SPOCK3: variants seen among roughly 807,000 people sequenced by gnomAD.
SPOCK3 encodes the protein testican-3.
SPOCK3 carries 30 observed loss-of-function variants against 56.6 expected under a neutral mutation model. The ratio of observed to expected loss-of-function variants is 0.53; its 90% confidence interval spans 0.40 to 0.72. The LOEUF (loss-of-function observed/expected upper bound fraction) is 0.72, where lower values mean the gene tolerates loss of function less well. Among genes scored for constraint, SPOCK3 ranks in the 30% least tolerant of loss-of-function variants. SPOCK3 has a pLI of 0.00. For synonymous variants in SPOCK3, 196 were observed against 183.3 expected, an observed-to-expected ratio of 1.07 and a Z score of -0.56; for missense variants, 527 against 530.0, an observed-to-expected ratio of 0.99 and a Z score of 0.06.
intron 4 of SPOCK3, among the ~76,000 whole-genome samples, chr4:166,923,734 G>T (rs764833972): frequency 1.3e-5 from 2 of 152,234 alleles, no homozygotes; most frequent in African/African-American, 2.4e-5. Context: ...ACCAACTGTA[G>T]GTTCCCAAAC....
At chr4:167,221,136 G>C (rs114313851) in intron 2 of SPOCK3, among the ~76,000 whole-genome samples, 4,746 of 152,002 alleles carry the variant, frequency 0.031, 115 homozygotes, top group Middle Eastern at 0.075. Context: ...GAGGCGGGAG[G>C]ATGGCTTGAG....
chr4:166,924,859 C>T (rs1419229395), intron 4 of SPOCK3, among the ~76,000 whole-genome samples: 1 of 152,180 alleles, frequency 6.6e-6, no homozygotes, highest in Non-Finnish European at 1.5e-5. Flanking sequence ...TTGTTAGAGA[C>T]TTTTGATAAA....
intron 8 of SPOCK3, among the ~76,000 whole-genome samples, chr4:166,743,802 C>T (rs2168400): frequency 0.79 from 120,202 of 152,132 alleles, 47,740 homozygotes; most frequent in South Asian, 0.82. Flanking sequence ...CACCAGGAGA[C>T]TATATCCTGC....
chr4:166,870,472 TA>T (rs1330593426), intron 6 of SPOCK3, among the ~76,000 whole-genome samples: 2 of 151,608 alleles, frequency 1.3e-5, no homozygotes, highest in East Asian at 1.9e-4. Flanking sequence ...AAACACACAA[TA>T]AAAATGTAAT....
chr4:166,795,136 A>T (rs956359611), intron 6 of SPOCK3, among the ~76,000 whole-genome samples: 2 of 152,154 alleles, frequency 1.3e-5, no homozygotes, highest in Non-Finnish European at 2.9e-5. Flanking sequence ...CAACTCAAAC[A>T]CTGGAGTATC....
chr4:166,980,225 C>A (rs1163617001), intron 4 of SPOCK3, among the ~76,000 whole-genome samples: 2 of 152,188 alleles, frequency 1.3e-5, no homozygotes, highest in Admixed American at 1.3e-4. Flanking sequence ...TGCAGGACAG[C>A]AATATGTACA....
At chr4:167,111,422 G>A (rs1760891330) in intron 2 of SPOCK3, among the ~76,000 whole-genome samples, 1 of 151,862 alleles carries the variant, frequency 6.6e-6, no homozygotes, top group Admixed American at 6.6e-5. Context: ...CTGACAGGAT[G>A]ATCACAATTA....
chr4:167,121,740 C>A (rs1217095538), intron 2 of SPOCK3, among the ~76,000 whole-genome samples: 5 of 152,160 alleles, frequency 3.3e-5, no homozygotes, highest in Non-Finnish European at 7.3e-5. Flanking sequence ...AACCACATAG[C>A]AGTGATAGCC....
At chr4:166,852,896 G>GAAA (rs1730276319) in intron 6 of SPOCK3, among the ~76,000 whole-genome samples, 2 of 152,086 alleles carry the variant, frequency 1.3e-5, no homozygotes, top group African/African-American at 2.4e-5. Flanking sequence ...TTTATTGCTG[G>GAAA]TATTAAAATA....
chr4:166,949,182 T>A (rs1346296598), intron 4 of SPOCK3, among the ~76,000 whole-genome samples: 1 of 152,234 alleles, frequency 6.6e-6, no homozygotes, highest in Non-Finnish European at 1.5e-5. Flanking sequence ...GAGCCTTGGC[T>A]TTCAGCTCCA....
chr4:167,194,788 T>C (rs984587887), intron 2 of SPOCK3, among the ~76,000 whole-genome samples: 1 of 152,136 alleles, frequency 6.6e-6, no homozygotes, highest in African/African-American at 2.4e-5. Flanking sequence ...CCTTGGCCAG[T>C]AGGGCTAGTG....
At chr4:166,843,234 C>G (rs1747672822) in intron 6 of SPOCK3, among the ~76,000 whole-genome samples, 2 of 152,200 alleles carry the variant, frequency 1.3e-5, no homozygotes, top group Admixed American at 6.5e-5. Flanking sequence ...AGGGTGGCTC[C>G]CACAGGGCAG....
intron 2 of SPOCK3, among the ~76,000 whole-genome samples, chr4:167,207,942 C>T (rs1056772428): frequency 1.4e-4 from 21 of 152,126 alleles, no homozygotes; most frequent in African/African-American, 4.1e-4. Context: ...CTTTTCATTA[C>T]ATGACAACGC....
At chr4:166,820,721 G>C (rs1476914785) in intron 6 of SPOCK3, among the ~76,000 whole-genome samples, 2 of 151,966 alleles carry the variant, frequency 1.3e-5, no homozygotes, top group East Asian at 1.9e-4. Context: ...GTACTTGGGA[G>C]GCTGAGATGG....
At chr4:167,112,441 C>A (rs1760981638) in intron 2 of SPOCK3, among the ~76,000 whole-genome samples, 1 of 152,222 alleles carries the variant, frequency 6.6e-6, no homozygotes, top group African/African-American at 2.4e-5. Context: ...GGTCTGCCTA[C>A]CTACTTCATT....
At chr4:166,878,068 G>A (rs1266338548) in intron 6 of SPOCK3, among the ~76,000 whole-genome samples, 2 of 152,122 alleles carry the variant, frequency 1.3e-5, no homozygotes, top group African/African-American at 4.8e-5. Flanking sequence ...CCTGAGGTCA[G>A]GAGTCGAGAC....
intron 6 of SPOCK3, among the ~76,000 whole-genome samples, chr4:166,838,736 G>A (rs1746902889): frequency 7.1e-6 from 1 of 140,892 alleles, no homozygotes; most frequent in East Asian, 2.0e-4. Flanking sequence ...GGATCACAAA[G>A]TCAGGAGATC....
intron 2 of SPOCK3, among the ~76,000 whole-genome samples, chr4:167,113,749 C>T (rs527296873): frequency 7.2e-5 from 11 of 152,098 alleles, no homozygotes; most frequent in South Asian, 6.2e-4. Context: ...CAAGAGGAAG[C>T]GGCATCTGTG....
chr4:167,116,655 T>C (rs940858037), intron 2 of SPOCK3, among the ~76,000 whole-genome samples: 2 of 65,246 alleles, frequency 3.1e-5, no homozygotes, highest in Admixed American at 2.1e-4. Flanking sequence ...TATATACACA[T>C]ATATACGTAT....
Sources: gnomAD v4.1 joint callset for allele counts (sites outside exome capture counted in the v4.1 genomes callset) on GRCh38, gnomAD v4.1.1 for gene constraint, MANE v1.5 for transcripts, NCBI Gene and HGNC (gene_info 2026-07-23, HGNC 2026-07-21) for gene names.